CERS6: variants seen among roughly 807,000 people sequenced by gnomAD.
CERS6 encodes the protein ceramide synthase 6.
A neutral mutation model predicts 56.8 loss-of-function variants in CERS6; 26 were observed. The observed-to-expected ratio is 0.46, with a 90% CI of 0.34 to 0.63. CERS6 has a LOEUF of 0.63. CERS6 is among the 30% of genes least tolerant of loss of function. The pLI, the probability that CERS6 is intolerant of heterozygous loss-of-function variation, is 0.01. For missense variants in CERS6, 415 were observed against 467.5 expected, an observed-to-expected ratio of 0.89 and a Z score of 1.04; for synonymous variants, 164 against 173.3, an observed-to-expected ratio of 0.95 and a Z score of 0.42.
At chr2:168,648,252 A>G (rs1181260887) in intron 4 of CERS6, among the ~76,000 whole-genome samples, 2 of 151,880 alleles carry the variant, frequency 1.3e-5, no homozygotes, top group African/African-American at 2.4e-5. Flanking sequence ...CTTGGCGGGT[A>G]TATGTGTCCA....
chr2:168,765,363 G>GATTAACCTAAAACCA (rs1574230514), intron 8 of CERS6, among the ~76,000 whole-genome samples: 1 of 152,142 alleles, frequency 6.6e-6, no homozygotes, highest in East Asian at 1.9e-4. Context: ...TTAAAGAAGT[G>GATTAACCTAAAACCA]AATAGGGAAA....
intron 1 of CERS6, among the ~76,000 whole-genome samples, chr2:168,464,177 TGTG>T (rs1693828902): frequency 1.0e-5 from 1 of 95,926 alleles, no homozygotes; most frequent in South Asian, 3.0e-4. Flanking sequence ...ATACTTTTTG[TGTG>T]TGTGTGTGTG....
intron 1 of CERS6, among the ~76,000 whole-genome samples, chr2:168,536,814 G>T (rs1695272203): frequency 6.6e-6 from 1 of 152,084 alleles, no homozygotes; most frequent in African/African-American, 2.4e-5. Context: ...GGTTATCTTT[G>T]ATAGCATTCC....
At chr2:168,463,897 A>G (rs1036494607) in intron 1 of CERS6, among the ~76,000 whole-genome samples, 1 of 152,200 alleles carries the variant, frequency 6.6e-6, no homozygotes, top group Non-Finnish European at 1.5e-5. Flanking sequence ...CGCCAGACCA[A>G]GATCCTGTCT....
In CERS6 at chr2:168,769,166, A is replaced by G. The variant is rs574518820; in HGVS notation, c.1003-344A>G. ...TGATCATCAATGAGTAAATTGATCC[A>G]TTTGTACCAAATTCCTATGACGCCA... On this transcript the variant is annotated intron_variant, in intron 9 of 9. Transcript: ENST00000305747. Among the ~76,000 whole-genome samples the G allele has an allele frequency of 8.5e-5, 13 of 152,310 alleles. No homozygotes were observed. In the South Asian group the frequency reaches 1.2e-3, roughly 15 times the overall value.
chr2:168,732,632 G>T (rs1436019326), intron 8 of CERS6, among the ~76,000 whole-genome samples: 2 of 152,152 alleles, frequency 1.3e-5, no homozygotes, highest in Non-Finnish European at 2.9e-5. Flanking sequence ...CCTTACAGCT[G>T]TTGTCTGGGT....
chr2:168,570,673 A>G (rs1326285347), intron 3 of CERS6, among the ~76,000 whole-genome samples: 1 of 152,104 alleles, frequency 6.6e-6, no homozygotes, highest in Non-Finnish European at 1.5e-5. Context: ...TACAAGAGGC[A>G]ACTGATCTTG....
At chr2:168,575,073 C>G (rs1683226171) in intron 3 of CERS6, among the ~76,000 whole-genome samples, 2 of 152,126 alleles carry the variant, frequency 1.3e-5, no homozygotes, top group Admixed American at 1.3e-4. Context: ...CTATCTTAGG[C>G]CAAGAGGACA....
intron 4 of CERS6, among the ~76,000 whole-genome samples, chr2:168,632,358 A>T (rs1684767294): frequency 6.6e-6 from 1 of 152,226 alleles, no homozygotes; most frequent in Non-Finnish European, 1.5e-5. Context: ...AAATACATTT[A>T]AGATTTTAAA....
At chr2:168,473,621 A>G (rs1694016729) in intron 1 of CERS6, among the ~76,000 whole-genome samples, 1 of 152,156 alleles carries the variant, frequency 6.6e-6, no homozygotes, top group African/African-American at 2.4e-5. Context: ...AATGCTACAA[A>G]ATTGTGTTTG....
chr2:168,765,976 T>C (rs891234305), intron 9 of CERS6, among the ~76,000 whole-genome samples: 6 of 152,174 alleles, frequency 3.9e-5, no homozygotes, highest in Admixed American at 6.5e-5. Context: ...CTTAATAATA[T>C]ATTATTTGTT....
intron 1 of CERS6, among the ~76,000 whole-genome samples, chr2:168,535,490 G>A (rs1270815414): frequency 2.6e-5 from 4 of 152,030 alleles, no homozygotes; most frequent in Admixed American, 6.6e-5. Flanking sequence ...ACCACACTGC[G>A]CTTCCTTCCT....
At chr2:168,610,770 A>G (rs1452812195) in intron 3 of CERS6, among the ~76,000 whole-genome samples, 1 of 152,072 alleles carries the variant, frequency 6.6e-6, no homozygotes, top group African/African-American at 2.4e-5. Flanking sequence ...CCCAAGTTGA[A>G]TCTAGCCTGC....
chr2:168,549,641 A>G (rs71430636), intron 2 of CERS6, among the ~76,000 whole-genome samples: 1 of 152,184 alleles, frequency 6.6e-6, no homozygotes, highest in Admixed American at 6.5e-5. Context: ...CTCAAAACAA[A>G]CAAACAAACA....
chr2:168,613,974 T>G (rs146741220), intron 3 of CERS6, among the ~76,000 whole-genome samples: 61 of 152,360 alleles, frequency 4.0e-4, no homozygotes, highest in African/African-American at 1.1e-3. Flanking sequence ...AGCTAAGAAC[T>G]TCATTGTGTG....
intron 3 of CERS6, among the ~76,000 whole-genome samples, chr2:168,617,243 G>C (rs967760993): frequency 6.6e-6 from 1 of 152,110 alleles, no homozygotes; most frequent in African/African-American, 2.4e-5. Context: ...GGTGCTAAGA[G>C]GAAGGTTCAT....
intron 3 of CERS6, among the ~76,000 whole-genome samples, chr2:168,610,927 C>T (rs2105273362): frequency 6.6e-6 from 1 of 152,328 alleles, no homozygotes; most frequent in African/African-American, 2.4e-5. Flanking sequence ...CATGCCTCAG[C>T]CTCCAGAGTA....
At chr2:168,475,238 C>T (rs886297697) in intron 1 of CERS6, among the ~76,000 whole-genome samples, 5 of 152,072 alleles carry the variant, frequency 3.3e-5, no homozygotes, top group Admixed American at 6.6e-5. Flanking sequence ...AAAAGTGCCA[C>T]GAACACTCAT....
At chr2:168,495,581 G>T (rs2105341507) in intron 1 of CERS6, among the ~76,000 whole-genome samples, 1 of 152,278 alleles carries the variant, frequency 6.6e-6, no homozygotes, top group South Asian at 2.1e-4. Context: ...GGAGGGTGAA[G>T]GGCCAATCCT....
Sources: allele counts gnomAD v4.1 joint callset (sites outside exome capture counted in the v4.1 genomes callset), GRCh38; gene constraint gnomAD v4.1.1; transcripts MANE v1.5; gene names NCBI Gene and HGNC (gene_info 2026-07-23, HGNC 2026-07-21).